The following NFASC variants were observed in gnomAD, a reference collection of about 807,000 sequenced individuals.
NFASC encodes neurofascin homolog.
NFASC carries 43 observed loss-of-function variants against 147.5 expected under a neutral mutation model. The observed-to-expected ratio is 0.29, with a 90% CI of 0.23 to 0.38. The LOEUF (loss-of-function observed/expected upper bound fraction) is 0.38, where lower values mean the gene tolerates loss of function less well. NFASC is among the 10% of genes least tolerant of loss of function. NFASC has a pLI of 1.00. For synonymous variants in NFASC, 622 were observed against 665.5 expected (o/e 0.93, Z 1.01); for missense variants, 1,320 against 1,689.0 (o/e 0.78, Z 3.83).
intron 2 of NFASC, among the ~76,000 whole-genome samples, chr1:204,942,941 G>C (rs139727484): frequency 6.6e-6 from 1 of 152,212 alleles, no homozygotes; most frequent in African/African-American, 2.4e-5. Context: ...TCTCCAGAAG[G>C]ATGGCCTTGT....
chr1:204,838,687 T>C (rs565909775), intron 1 of NFASC, among the ~76,000 whole-genome samples: 50 of 152,280 alleles, frequency 3.3e-4, no homozygotes, highest in African/African-American at 1.2e-3. Flanking sequence ...TGGTGTCAGA[T>C]GTTTGCAGGC....
At chr1:204,913,142 TA>T (rs1257137896) in intron 1 of NFASC, among the ~76,000 whole-genome samples, 1 of 120,746 alleles carries the variant, frequency 8.3e-6, no homozygotes, top group African/African-American at 2.8e-5. Flanking sequence ...TGCATAGTAA[TA>T]AACATAAAAA....
chr1:204,920,326 C>G (rs1198029217), intron 1 of NFASC, among the ~76,000 whole-genome samples: 1 of 151,828 alleles, frequency 6.6e-6, no homozygotes, highest in Non-Finnish European at 1.5e-5. Context: ...TATGGCTGAA[C>G]TTCTTGTGGT....
chr1:204,959,502 G>C (rs2094568453), intron 8 of NFASC, among the ~76,000 whole-genome samples: 1 of 152,264 alleles, frequency 6.6e-6, no homozygotes, highest in South Asian at 2.1e-4. Context: ...GGACCTCGGA[G>C]TGGCCTCAGC....
chr1:204,876,188 T>G (rs2078753973), intron 1 of NFASC, among the ~76,000 whole-genome samples: 1 of 152,192 alleles, frequency 6.6e-6, no homozygotes, highest in Non-Finnish European at 1.5e-5. Flanking sequence ...GTAGTCATTT[T>G]AGAGTACAGA....
At chr1:204,849,263 A>G (rs1210618668) in intron 1 of NFASC, among the ~76,000 whole-genome samples, 1 of 152,220 alleles carries the variant, frequency 6.6e-6, no homozygotes, top group Non-Finnish European at 1.5e-5. Flanking sequence ...TGCTCACAAG[A>G]GTGCTTGGCA....
At chr1:204,877,038 TATATATATATAATATATTTATTTA>T (rs2079078683) in intron 1 of NFASC, among the ~76,000 whole-genome samples, 1 of 95,956 alleles carries the variant, frequency 1.0e-5, no homozygotes, top group Admixed American at 1.4e-4. Flanking sequence ...AATATATATT[TATATATATATAATATATTTATTTA>T]TATATTTATA....
chr1:204,946,974 T>C (rs2093791632), intron 3 of NFASC: 2 of 357,772 alleles, frequency 5.6e-6, no homozygotes, highest in East Asian at 7.4e-5. Flanking sequence ...ACAAGAAAGT[T>C]TGCTTGCCTG....
In NFASC at chr1:205,002,606, G is replaced by A. The variant is rs756429981; in HGVS notation, c.3147G>A (p.Thr1049=). 3.9e-6 allele frequency: 6 copies of A among 1,521,982 alleles called. No homozygotes were observed. Among genetic ancestry groups the A allele is most frequent in the East Asian group, 2.3e-5 (1 of 42,608 alleles). The allele number at this position is 1,521,982 out of a possible 1,614,324, so 94.3% of individuals were successfully genotyped here. Residue 1049 remains threonine (T), a synonymous_variant, in exon 27 of 30, where the codon ACG becomes ACA. Transcript: ENST00000339876. ...FVVEYIDSNH[T]KKTVPVKAQA... ...GTTTCTGTTCCCCAGGCAACCATAC[G>A]AAAAAAACTGTCCCAGTTAAGGCCC...
In NFASC at chr1:204,987,570, T is replaced by C. The variant is rs1253015824; in HGVS notation, c.2593+30T>C. On this transcript the variant is annotated intron_variant, in intron 22 of 29. Coordinates refer to ENST00000339876, the MANE Select transcript of NFASC (RefSeq NM_001005388.3). This position sits in a 1 kb window ranked among gnomAD's most constrained non-coding sequence, Gnocchi z 4.4. Reference sequence around the variant, plus strand: ...GTTCTGCCCTTCCCTTTCTCTTAGATAATCTGGGAACCAGAAACCCCATTC... The same window carrying C: ...GTTCTGCCCTTCCCTTTCTCTTAGACAATCTGGGAACCAGAAACCCCATTC... The C allele has an allele frequency of 6.2e-7, 1 of 1,612,898 alleles. No individual in the cohort carries two copies. The highest frequency in any genetic ancestry group is 8.5e-7 in the Non-Finnish European group (1 of 1,179,204).
At position 204,918,923 on chromosome 1, in the gene NFASC, A is replaced by C. The variant is rs190928624; in HGVS notation, c.-199-1709A>C. The stretch of plus-strand genomic sequence containing the variant: ...TTTAATTATGTTTTGTAATTATGTC[A>C]AATATTTACATAGTCCAAAGCAAAT... On this transcript the variant is annotated intron_variant, in intron 1 of 29. Coordinates refer to ENST00000339876, the MANE Select transcript of NFASC (RefSeq NM_001005388.3). Among the ~76,000 whole-genome samples the C allele has an allele frequency of 2.7e-3, 410 of 152,196 alleles. 6 individuals are homozygous for C. The highest frequency in any genetic ancestry group is 1.8e-3 in the Non-Finnish European group (121 of 68,014).
In NFASC at chr1:204,857,916, C is replaced by CTTTTTTTT. The variant is rs777663775; in HGVS notation, c.-200+29136_-200+29137insTTTTTTTT. On this transcript the variant is annotated intron_variant, in intron 1 of 29. Coordinates refer to ENST00000339876, the MANE Select transcript of NFASC (RefSeq NM_001005388.3). The stretch of plus-strand genomic sequence containing the variant: ...TCTGTGTCCTAGTCTCCTTCTTCTT[C>CTTTTTTTT]TTCTTTTTTTTTTTTTTTTTGAGAT... Among the ~76,000 whole-genome samples, 216 of 133,628 alleles carry CTTTTTTTT rather than the reference C, an allele frequency of 1.6e-3. 1 individual carries two copies. Among genetic ancestry groups the CTTTTTTTT allele is most frequent in the East Asian group, 3.8e-3 (14 of 3,704 alleles). The allele number at this position is 133,628 out of a possible 152,430, so 87.7% of individuals were successfully genotyped here.
chr1:205,001,074 T>G, intron 25 of NFASC, 96 bp from the exon 26 acceptor site: 1 of 745,026 alleles, frequency 1.3e-6, no homozygotes, highest in Non-Finnish European at 2.4e-6. Flanking sequence ...TGTGGGCATG[T>G]GCGTGCATGC....
intron 1 of NFASC, among the ~76,000 whole-genome samples, chr1:204,888,618 G>A (rs745633289): frequency 2.6e-5 from 4 of 152,128 alleles, no homozygotes; most frequent in Non-Finnish European, 4.4e-5. Flanking sequence ...AAGTGACCTC[G>A]CATAAACTTT....
intron 1 of NFASC, among the ~76,000 whole-genome samples, chr1:204,907,535 C>T (rs528787373): frequency 6.6e-5 from 10 of 152,286 alleles, no homozygotes; most frequent in Admixed American, 4.6e-4. Flanking sequence ...CTGGGTTTCC[C>T]AGTGTCACCA....
In NFASC at chr1:204,944,413, C is replaced by A; in HGVS notation, c.91+7C>A. ...ATCGAAATTCCTATGGATCGTGAGT[C>A]CTGCCCCATTCTCTTCTCTTTTTTT... On this transcript the variant is annotated splice_region_variant and intron_variant, in intron 3 of 29. Transcript: ENST00000339876. 6.3e-7 allele frequency: 1 copy of A among 1,577,932 alleles called. No individual in the cohort carries two copies. The highest frequency in any genetic ancestry group is 8.6e-7 in the Non-Finnish European group (1 of 1,162,492).
At chr1:204,997,612 G>GAC (rs1241903225) in intron 25 of NFASC, 2 of 643,254 alleles carry the variant, frequency 3.1e-6, no homozygotes, top group Non-Finnish European at 5.6e-6. Context: ...GCCTGGCCCT[G>GAC]ACACACACAC....
chr1:205,011,677 C>T (rs549830327), intron 28 of NFASC, among the ~76,000 whole-genome samples: 1 of 152,358 alleles, frequency 6.6e-6, no homozygotes, highest in South Asian at 2.1e-4. Context: ...GCTAGCCTTC[C>T]CTCCAGTCTT....
At chr1:204,974,441 C>A in intron 13 of NFASC, 151 bp downstream of exon 13, 1 of 800,260 alleles carries the variant, frequency 1.2e-6, no homozygotes. Context: ...GATCAACCTC[C>A]TCATTGTACA....
Sources: allele counts gnomAD v4.1 joint callset (sites outside exome capture counted in the v4.1 genomes callset), GRCh38; gene constraint gnomAD v4.1.1; non-coding constraint Gnocchi (gnomAD v3.1); transcripts MANE v1.5; gene names NCBI Gene and HGNC (gene_info 2026-07-23, HGNC 2026-07-21).